The following IQSEC1 variants were observed in gnomAD, a reference collection of about 807,000 sequenced individuals.
IQSEC1 encodes the protein IQ motif and SEC7 domain-containing protein 1.
In IQSEC1, 31 loss-of-function variants were observed where a neutral mutation model predicts 91.0. That is an observed-to-expected ratio of 0.34 (90% confidence interval 0.26 to 0.46). The LOEUF (loss-of-function observed/expected upper bound fraction) is 0.46, where lower values mean the gene tolerates loss of function less well. IQSEC1 is among the 20% of genes least tolerant of loss of function. The pLI, the probability that IQSEC1 is intolerant of heterozygous loss-of-function variation, is 1.00. For missense variants in IQSEC1, 1,388 were observed against 1,575.6 expected (o/e 0.88, Z 2.02); for synonymous variants, 699 against 662.6 (o/e 1.05, Z -0.84).
intron 1 of IQSEC1, among the ~76,000 whole-genome samples, chr3:13,197,319 C>T (rs1340038897): frequency 2.0e-5 from 3 of 152,216 alleles, no homozygotes; most frequent in South Asian, 2.1e-4. Context: ...TCTTCATAAA[C>T]GGCAGATGCA....
chr3:13,231,013 T>C (rs1369090761), intron 1 of IQSEC1, among the ~76,000 whole-genome samples: 1 of 152,252 alleles, frequency 6.6e-6, no homozygotes, highest in African/African-American at 2.4e-5. Flanking sequence ...ACTGTCCCCT[T>C]AAACTTTTCA....
At chr3:13,100,910 G>A (rs1706046541) in intron 2 of IQSEC1, among the ~76,000 whole-genome samples, 1 of 148,664 alleles carries the variant, frequency 6.7e-6, no homozygotes, top group South Asian at 2.1e-4. Context: ...ATGAAGAGGG[G>A]CGGCCAGGGA....
chr3:13,039,651 G>C (rs1704177505), intron 1 of IQSEC1, among the ~76,000 whole-genome samples: 1 of 152,236 alleles, frequency 6.6e-6, no homozygotes, highest in African/African-American at 2.4e-5. Flanking sequence ...GGTGAGCTGA[G>C]CATCCCCCTT....
chr3:13,100,010 G>A (rs1219788100), intron 2 of IQSEC1, among the ~76,000 whole-genome samples: 1 of 123,006 alleles, frequency 8.1e-6, no homozygotes, highest in African/African-American at 3.5e-5. Context: ...GGCCTTGGAA[G>A]GACTCGGCCT....
At chr3:13,022,304 C>T (rs76763697) in intron 1 of IQSEC1, 99,891 of 1,212,656 alleles carry the variant, frequency 0.082, 4,454 homozygotes, top group Middle Eastern at 0.15. Context: ...GGCTGAGCCA[C>T]AGGCCCCACT....
intron 6 of IQSEC1, 48 bp from the exon 7 acceptor site, chr3:12,915,781 C>G: frequency 6.3e-7 from 1 of 1,597,274 alleles, no homozygotes; most frequent in Non-Finnish European, 8.6e-7. Flanking sequence ...CAGGCTCACT[C>G]GATTTACCAG....
In IQSEC1 at chr3:12,908,545, G is replaced by A. The variant is rs763242820; in HGVS notation, c.2579-20C>T. ...GCTCCGCTGGAACAGAGAGGGTGAGGGTCCTGGTGAGAGGAGCACAGCCTA... is the reference window on the plus strand; with the variant it reads ...GCTCCGCTGGAACAGAGAGGGTGAGAGTCCTGGTGAGAGGAGCACAGCCTA... On this transcript the variant is annotated intron_variant, in intron 11 of 13. Coordinates refer to ENST00000613206, the MANE Select transcript of IQSEC1 (RefSeq NM_001134382.3). The surrounding 1 kb of genome is among the most constrained non-coding windows in gnomAD (Gnocchi z 4.9). 100 of 1,613,116 alleles carry A rather than the reference G, an allele frequency of 6.2e-5. No individual in the cohort carries two copies. Among genetic ancestry groups the A allele is most frequent in the Non-Finnish European group, 8.3e-5 (98 of 1,179,970 alleles).
At chr3:13,180,410 G>A (rs357143) in intron 1 of IQSEC1, among the ~76,000 whole-genome samples, 82,331 of 151,366 alleles carry the variant, frequency 0.54, 22,721 homozygotes, top group Non-Finnish European at 0.59. Flanking sequence ...GGGACGTGGA[G>A]AACCTTTATG....
rs1484644116 is a variant in IQSEC1, at chr3:13,282,357, A to T, written c.272+354T>A. 6.6e-6 allele frequency among the ~76,000 whole-genome samples: 1 copy of T among 151,684 alleles called. No individual in the cohort carries two copies. Among genetic ancestry groups the T allele is most frequent in the Non-Finnish European group, 1.5e-5 (1 of 67,882 alleles). On this transcript the variant is annotated intron_variant, in intron 1 of 15. Transcript: ENST00000648114. The surrounding 1 kb of genome is among the most constrained non-coding windows in gnomAD (Gnocchi z 6.4). ...GAAGTTCTCGCCCTGCTGCTCCGAG[A>T]CCTAGGTCCGCTCCCCGGACAGACC...
chr3:13,073,143 A>C lies in IQSEC1; in HGVS notation c.-129T>G. ...AAAATTAAATCGCGGGGCGAGTCAC[A>C]TTCCCGGGGGTGGCGGGCTCCTCCA... On this transcript the variant is annotated 5_prime_UTR_variant, in exon 1 of 14. It removes an upstream start codon present in the reference 5' UTR. Transcript: ENST00000613206. 1.3e-6 allele frequency: 1 copy of C among 749,280 alleles called. No individual in the cohort carries two copies. Among genetic ancestry groups the C allele is most frequent in the Non-Finnish European group, 2.1e-6 (1 of 482,666 alleles). The allele number at this position is 749,280 out of a possible 1,614,324, so 46.4% of individuals were successfully genotyped here.
intron 1 of IQSEC1, among the ~76,000 whole-genome samples, chr3:12,952,416 G>A (rs921524129): frequency 4.6e-5 from 7 of 152,126 alleles, no homozygotes; most frequent in South Asian, 2.1e-4. Flanking sequence ...GGGCTGCTCC[G>A]CCTTCAACAC....
chr3:12,970,698 C>T lies in IQSEC1; in HGVS notation c.24-28833G>A, dbSNP rs2125540438. ...GCTTCTTTCAGTTCCCCACACTCCC[C>T]ACTGTGCCTGGCTCACAGCTAGGAC... On this transcript the variant is annotated intron_variant, in intron 1 of 13. Coordinates refer to ENST00000613206, the MANE Select transcript of IQSEC1 (RefSeq NM_001134382.3). The surrounding 1 kb of genome is among the most constrained non-coding windows in gnomAD (Gnocchi z 4.4). 6.6e-6 allele frequency among the ~76,000 whole-genome samples: 1 copy of T among 152,328 alleles called. No individual in the cohort carries two copies. The highest frequency in any genetic ancestry group is 2.4e-5 in the African/African-American group (1 of 41,576).
intron 2 of IQSEC1, among the ~76,000 whole-genome samples, chr3:13,160,033 A>G (rs1707146754): frequency 6.6e-6 from 1 of 152,192 alleles, no homozygotes. Context: ...AACAATGAGC[A>G]AAGTCCTACA....
chr3:13,273,551 T>C (rs1023026422), intron 1 of IQSEC1, among the ~76,000 whole-genome samples: 2 of 152,190 alleles, frequency 1.3e-5, no homozygotes, highest in African/African-American at 4.8e-5. Context: ...CTGGCGATTG[T>C]TGGGGGAAAA....
At chr3:13,234,603 A>G (rs1694894189) in intron 1 of IQSEC1, among the ~76,000 whole-genome samples, 1 of 152,074 alleles carries the variant, frequency 6.6e-6, no homozygotes, top group Admixed American at 6.5e-5. Flanking sequence ...CTGGTACGAG[A>G]AAAAGAGAAA....
chr3:12,899,268 C>T lies in IQSEC1; in HGVS notation c.*1715G>A, dbSNP rs1045425073. The T allele has an allele frequency of 5.3e-6, 6 of 1,128,458 alleles. No homozygotes were observed. Among genetic ancestry groups the T allele is most frequent in the South Asian group, 4.2e-5 (3 of 70,654 alleles). 69.9% of individuals were successfully genotyped at this position (1,128,458 alleles called of 1,614,324 possible). A position where few individuals can be genotyped will look rare whatever the true frequency, so the allele number is the denominator to read the frequency against. ...CTCTCCTCCTGCCGTCCGGCCACGG[C>T]TCACCACGCTGTCCACTGGGAACGC... On this transcript the variant is annotated 3_prime_UTR_variant, in exon 14 of 14. Coordinates refer to ENST00000613206, the MANE Select transcript of IQSEC1 (RefSeq NM_001134382.3).
intron 1 of IQSEC1, among the ~76,000 whole-genome samples, chr3:13,249,530 C>T (rs1695160108): frequency 6.6e-6 from 1 of 152,126 alleles, no homozygotes; most frequent in Admixed American, 6.6e-5. Context: ...TATTCTATTT[C>T]TATCCCTCAG....
Position 12,949,441 on chromosome 3 carries a change from T to C in IQSEC1, c.24-7576A>G, listed in dbSNP as rs919354688. ...CCATGCCAGCAGCCTCAGGCCAGAC[T>C]CCTGGCAGTCTGCACAGGCCAGAGC... On this transcript the variant is annotated intron_variant, in intron 1 of 13. Coordinates refer to ENST00000613206, the MANE Select transcript of IQSEC1 (RefSeq NM_001134382.3). Among the ~76,000 whole-genome samples, 3 of 152,256 alleles carry C rather than the reference T, an allele frequency of 2.0e-5. 1 individual carries two copies. The highest frequency in any genetic ancestry group is 2.0e-4 in the Admixed American group (3 of 15,292).
intron 1 of IQSEC1, among the ~76,000 whole-genome samples, chr3:13,280,068 A>AAAAAAGTATGGGAGGCAG (rs1356878318): frequency 1.1e-3 from 165 of 152,302 alleles, no homozygotes; most frequent in African/African-American, 3.7e-3. Context: ...CTTAATTCTC[A>AAAAAAGTATGGGAGGCAG]AAAAAGTATG....
Sources: allele counts gnomAD v4.1 joint callset (sites outside exome capture counted in the v4.1 genomes callset), GRCh38; gene constraint gnomAD v4.1.1; non-coding constraint Gnocchi (gnomAD v3.1); transcripts MANE v1.5; gene names NCBI Gene and HGNC (gene_info 2026-07-23, HGNC 2026-07-21).